Variants in DOCK9 observed in about 807,000 individuals in gnomAD.
DOCK9 encodes the protein dedicator of cytokinesis 9.
In DOCK9, 89 loss-of-function variants were observed where a neutral mutation model predicts 263.3. That is an observed-to-expected ratio of 0.34 (90% CI 0.28 to 0.40). The LOEUF (loss-of-function observed/expected upper bound fraction) is 0.40. Among genes scored for constraint, DOCK9 ranks in the 10% least tolerant of loss-of-function variants. The pLI is 1.00. For synonymous variants in DOCK9, 976 were observed against 973.1 expected (o/e 1.00, Z -0.06); for missense variants, 2,140 against 2,603.4 (o/e 0.82, Z 3.87).
intron 1 of DOCK9, among the ~76,000 whole-genome samples, chr13:99,052,452 C>T (rs1441590512): frequency 6.6e-6 from 1 of 152,206 alleles, no homozygotes; most frequent in Non-Finnish European, 1.5e-5. Context: ...ACTCCGTATC[C>T]AAGGGTTCCA....
chr13:98,860,470 G>T lies in DOCK9; in HGVS notation c.3632C>A (p.Pro1211Gln). The T allele has an allele frequency of 1.3e-6, 2 of 1,589,308 alleles. No individual in the cohort carries two copies. Among genetic ancestry groups the T allele is most frequent in the Non-Finnish European group, 1.7e-6 (2 of 1,166,790 alleles). Residue 1211 changes from proline (P) to glutamine (Q), a missense_variant, in exon 33 of 53, where the codon CCG becomes CAG. Coordinates refer to ENST00000682017, the MANE Select transcript of DOCK9 (RefSeq NM_001366683.2). ...ALPAVNPLVT[P>Q]QKGSTLDNSL... ...GTTGTCCAGGGTGCTTCCCTTCTGCGGCGTCACCAGCGGATTCACAGCTGG... is the reference window on the plus strand; with the variant it reads ...GTTGTCCAGGGTGCTTCCCTTCTGCTGCGTCACCAGCGGATTCACAGCTGG...
intron 1 of DOCK9, among the ~76,000 whole-genome samples, chr13:98,976,710 A>C (rs538926851): frequency 3.3e-4 from 51 of 152,356 alleles, no homozygotes; most frequent in African/African-American, 1.1e-3. Context: ...GAAAATCTGC[A>C]GTGAAAAAGA....
chr13:98,935,465 A>G (rs1315073306), intron 2 of DOCK9, among the ~76,000 whole-genome samples: 1 of 152,158 alleles, frequency 6.6e-6, no homozygotes. Context: ...TGTCTCTATC[A>G]CTATTTCAGA....
chr13:99,066,990 G>A (rs1156542130), intron 1 of DOCK9, among the ~76,000 whole-genome samples: 1 of 152,120 alleles, frequency 6.6e-6, no homozygotes, highest in African/African-American at 2.4e-5. Flanking sequence ...AGATAAGTAG[G>A]TCCCAGTATG....
chr13:98,930,261 G>T lies in DOCK9; in HGVS notation c.244-4C>A, dbSNP rs775490704. 4 of 1,606,736 alleles carry T rather than the reference G, an allele frequency of 2.5e-6. No individual in the cohort carries two copies. The South Asian group carries it at 4.5e-5, about 18-fold the overall frequency. ...CCTGTCGTCTCAGGATGGCCGTCTG[G>T]AAACAAAAACAGGAGGAAAAGCCTT... On this transcript the variant is annotated splice_region_variant and splice_polypyrimidine_tract_variant and intron_variant, in intron 2 of 52. Coordinates refer to ENST00000682017, the MANE Select transcript of DOCK9 (RefSeq NM_001366683.2).
At chr13:98,979,223 T>C (rs376021138), upstream of DOCK9, among the ~76,000 whole-genome samples, 80 of 122,826 alleles carry the variant, frequency 6.5e-4, no homozygotes, top group African/African-American at 1.6e-3. Context: ...GTAGTAGTAG[T>C]AGTAGTAGCA....
At chr13:98,795,347 T>C (rs541694829) in intron 52 of DOCK9, among the ~76,000 whole-genome samples, 32 of 152,224 alleles carry the variant, frequency 2.1e-4, no homozygotes, top group Non-Finnish European at 4.1e-4. Context: ...AACAAGTATC[T>C]TTCCATGCCC....
At chr13:99,068,810 C>T (rs2041545240) in intron 1 of DOCK9, among the ~76,000 whole-genome samples, 1 of 152,056 alleles carries the variant, frequency 6.6e-6, no homozygotes, top group South Asian at 2.1e-4. Flanking sequence ...AAAAAGTTAA[C>T]CTAAGAGATT....
intron 1 of DOCK9, among the ~76,000 whole-genome samples, chr13:98,965,603 G>A (rs1352137004): frequency 6.6e-6 from 1 of 152,114 alleles, no homozygotes; most frequent in Admixed American, 6.5e-5. Flanking sequence ...GTCTCAGCCC[G>A]TACTAAAACG....
chr13:98,915,584 G>A, intron 7 of DOCK9, 81 bp from the exon 8 acceptor site: 2 of 1,357,486 alleles, frequency 1.5e-6, no homozygotes, highest in African/African-American at 1.5e-5. Context: ...TTGTTGGTGA[G>A]TGATATCTCA....
chr13:98,952,895 G>C (rs867505264), intron 2 of DOCK9, among the ~76,000 whole-genome samples: 1 of 152,148 alleles, frequency 6.6e-6, no homozygotes, highest in East Asian at 1.9e-4. Context: ...CATGCGTTTT[G>C]CTGCTGCCAT....
intron 38 of DOCK9, among the ~76,000 whole-genome samples, chr13:98,845,566 CAG>C (rs973348270): frequency 6.6e-6 from 1 of 152,198 alleles, no homozygotes; most frequent in Non-Finnish European, 1.5e-5. Context: ...CGAATGTTCT[CAG>C]AGTTGCAGGG....
chr13:99,025,287 G>T (rs1206171436), intron 1 of DOCK9: 2 of 152,122 alleles, frequency 1.3e-5, no homozygotes, highest in African/African-American at 4.8e-5. Flanking sequence ...ATACAGAGAA[G>T]ACTGGCATGG....
intron 1 of DOCK9, among the ~76,000 whole-genome samples, chr13:99,022,406 A>G (rs939532519): frequency 6.6e-6 from 1 of 152,216 alleles, no homozygotes; most frequent in Non-Finnish European, 1.5e-5. Context: ...AGAGAACGCA[A>G]AAGAACACAG....
chr13:98,957,539 T>C (rs527261856), intron 1 of DOCK9, among the ~76,000 whole-genome samples: 2 of 143,968 alleles, frequency 1.4e-5, no homozygotes, highest in Non-Finnish European at 3.0e-5. Flanking sequence ...AACAGTAAAC[T>C]GTATTTACAT....
At chr13:98,881,807 C>T in intron 24 of DOCK9, 85 bp downstream of exon 24, 1 of 1,321,292 alleles carries the variant, frequency 7.6e-7, no homozygotes, top group Non-Finnish European at 1.1e-6. Context: ...ATGTTCAGCA[C>T]ACAGTAGCAT....
At chr13:99,029,525 A>T (rs1887110731) in intron 1 of DOCK9, among the ~76,000 whole-genome samples, 1 of 152,236 alleles carries the variant, frequency 6.6e-6, no homozygotes, top group African/African-American at 2.4e-5. Flanking sequence ...AACAATTTTT[A>T]AAAACTAGGA....
intron 27 of DOCK9, among the ~76,000 whole-genome samples, chr13:98,873,729 G>C (rs372331955): frequency 1.3e-5 from 2 of 152,236 alleles, no homozygotes; most frequent in African/African-American, 4.8e-5. Flanking sequence ...CATAACTGTG[G>C]AACAGAAGCC....
chr13:98,900,633 A>G (rs912127963), intron 13 of DOCK9, among the ~76,000 whole-genome samples: 9 of 152,208 alleles, frequency 5.9e-5, no homozygotes, highest in African/African-American at 2.2e-4. Flanking sequence ...GCACTGACTC[A>G]TACATGATCT....
Sources: gnomAD v4.1 joint callset for allele counts (sites outside exome capture counted in the v4.1 genomes callset) on GRCh38, gnomAD v4.1.1 for gene constraint, MANE v1.5 for transcripts, NCBI Gene and HGNC (gene_info 2026-07-23, HGNC 2026-07-21) for gene names.